The following PBLD variants were observed in gnomAD, a reference collection of about 807,000 sequenced individuals.
The protein encoded by PBLD is phenazine biosynthesis-like domain-containing protein.
Under a neutral mutation model 31.3 loss-of-function variants are expected in PBLD, and 26 were observed. That is an observed-to-expected ratio of 0.83 (90% CI 0.61 to 1.15). The LOEUF is 1.15. Among genes scored for constraint, PBLD ranks in the 50% most tolerant of loss-of-function variants. PBLD has a pLI of 0.00. For synonymous variants in PBLD, 114 were observed against 129.0 expected, an observed-to-expected ratio of 0.88 and a Z score of 0.79; for missense variants, 307 against 351.7, an observed-to-expected ratio of 0.87 and a Z score of 1.02.
At chr10:68,307,160 G>A (rs1001480970) in intron 1 of PBLD, among the ~76,000 whole-genome samples, 1 of 152,006 alleles carries the variant, frequency 6.6e-6, no homozygotes, top group African/African-American at 2.4e-5. Flanking sequence ...CTCTTGAGTA[G>A]CTGGAATTAC....
intron 1 of PBLD, among the ~76,000 whole-genome samples, chr10:68,322,889 C>A (rs1379049359): frequency 6.6e-6 from 1 of 151,856 alleles, no homozygotes; most frequent in Non-Finnish European, 1.5e-5. Context: ...CACACACCAC[C>A]ACATCTGGCT....
At chr10:68,328,692 C>T (rs929150466) in intron 1 of PBLD, among the ~76,000 whole-genome samples, 3 of 152,138 alleles carry the variant, frequency 2.0e-5, no homozygotes, top group Non-Finnish European at 1.5e-5. Context: ...CAATTCCACA[C>T]AGATAGGTCT....
rs1047875066 is a variant in PBLD, at chr10:68,288,635, T to C, written c.539A>G (p.Asn180Ser). The change falls in exon 8 of 10, where the codon AAC (asparagine) becomes AGC (serine). Residue 180 changes from asparagine (N) to serine (S), a missense_variant. Physicochemically the swap from Asn to Ser is conservative, Grantham distance 46 (BLOSUM62 1). Coordinates refer to ENST00000358769, the MANE Select transcript of PBLD (RefSeq NM_022129.4). Reference sequence around the variant, plus strand: ...TTCAACTTGCAGCAGATTCTCCGTGTTCACTTTCAGGTTCTCCAGAAACGA... The same window carrying C: ...TTCAACTTGCAGCAGATTCTCCGTGCTCACTTTCAGGTTCTCCAGAAACGA... Reference protein sequence around the residue: ...NRSFLENLKVNTENLLQVENT... With the variant: ...NRSFLENLKVSTENLLQVENT... The C allele has an allele frequency of 8.1e-6, 13 of 1,613,966 alleles. No individual in the cohort carries two copies. The highest frequency in any genetic ancestry group is 1.1e-5 in the Non-Finnish European group (13 of 1,180,010).
In PBLD at chr10:68,332,916, C is replaced by T. The variant is rs2045276435; in HGVS notation, c.-192G>A. 6.6e-6 allele frequency: 1 copy of T among 152,190 alleles called. No individual in the cohort carries two copies. Among genetic ancestry groups the T allele is most frequent in the South Asian group, 2.1e-4 (1 of 4,828 alleles). 9.4% of individuals were successfully genotyped at this position (152,190 alleles called of 1,614,324 possible). A position where few individuals can be genotyped will look rare whatever the true frequency, so the allele number is the denominator to read the frequency against. ...CCAGGACAAAGGAGGCAGACGGCCTCCTTTGTAATTCTGCCGCCCGGTGGC... is the reference window on the plus strand; with the variant it reads ...CCAGGACAAAGGAGGCAGACGGCCTTCTTTGTAATTCTGCCGCCCGGTGGC... On this transcript the variant is annotated 5_prime_UTR_variant, in exon 1 of 10. Coordinates refer to ENST00000358769, the MANE Select transcript of PBLD (RefSeq NM_022129.4).
At chr10:68,284,349 T>C in intron 9 of PBLD, 60 bp from the exon 10 acceptor site, 3 of 1,398,946 alleles carry the variant, frequency 2.1e-6, no homozygotes, top group Non-Finnish European at 3.0e-6. Context: ...TAACAAAGCA[T>C]AGTGAAAGAC....
At chr10:68,317,062 CTCA>C (rs976944082) in intron 1 of PBLD, among the ~76,000 whole-genome samples, 4 of 152,076 alleles carry the variant, frequency 2.6e-5, no homozygotes, top group African/African-American at 9.7e-5. Context: ...AGAGACATAA[CTCA>C]TCATGTAAAA....
At chr10:68,311,053 C>T (rs1196064718) in intron 1 of PBLD, among the ~76,000 whole-genome samples, 2 of 152,112 alleles carry the variant, frequency 1.3e-5, no homozygotes, top group African/African-American at 4.8e-5. Flanking sequence ...TTATTAAATA[C>T]CCTACTGAAA....
intron 1 of PBLD, 37 bp from the exon 2 acceptor site, chr10:68,306,940 C>G: frequency 1.1e-6 from 1 of 922,908 alleles, no homozygotes; most frequent in East Asian, 2.6e-5. Flanking sequence ...TAATGTTTTA[C>G]TTGGTGTCCA....
chr10:68,306,632 A>T, intron 2 of PBLD, 129 bp downstream of exon 2: 1 of 799,114 alleles, frequency 1.3e-6, no homozygotes, highest in Non-Finnish European at 2.0e-6. Context: ...CATGAACATT[A>T]CTGATATGAT....
chr10:68,312,043 C>T (rs1395313414), intron 1 of PBLD, among the ~76,000 whole-genome samples: 1 of 152,192 alleles, frequency 6.6e-6, no homozygotes, highest in African/African-American at 2.4e-5. Flanking sequence ...AATTGTAAGT[C>T]AAAGTATCAT....
At chr10:68,293,730 T>C (rs917207301) in intron 4 of PBLD, among the ~76,000 whole-genome samples, 3 of 152,288 alleles carry the variant, frequency 2.0e-5, no homozygotes, top group African/African-American at 7.2e-5. Context: ...TCAATCTTGC[T>C]TTGGGAGGCC....
chr10:68,297,910 C>T (rs2044451763), intron 2 of PBLD, among the ~76,000 whole-genome samples: 1 of 150,568 alleles, frequency 6.6e-6, no homozygotes, highest in Admixed American at 6.6e-5. Context: ...AGTTCAAGAC[C>T]AGCCTGGGTA....
chr10:68,303,036 G>T (rs1211288653), intron 2 of PBLD, among the ~76,000 whole-genome samples: 1 of 141,956 alleles, frequency 7.0e-6, no homozygotes, highest in African/African-American at 2.6e-5. Context: ...GGATTGTCAG[G>T]CATCTGAGGA....
At chr10:68,318,220 C>CTA (rs2044763286) in intron 1 of PBLD, among the ~76,000 whole-genome samples, 1 of 151,722 alleles carries the variant, frequency 6.6e-6, no homozygotes, top group African/African-American at 2.4e-5. Context: ...GTGTGAGACT[C>CTA]TGTCTCTAAA....
chr10:68,305,382 G>A (rs1191656773), intron 2 of PBLD, among the ~76,000 whole-genome samples: 4 of 148,904 alleles, frequency 2.7e-5, no homozygotes, highest in African/African-American at 9.9e-5. Context: ...CAAAGTACTA[G>A]GATTATAGGC....
At chr10:68,296,137 T>C (rs2044423514) in intron 4 of PBLD, 129 bp downstream of exon 4, 1 of 640,476 alleles carries the variant, frequency 1.6e-6, no homozygotes, top group African/African-American at 1.8e-5. Flanking sequence ...GCATTATGAA[T>C]AGCATGAAGT....
In PBLD at chr10:68,288,921, A is replaced by C; in HGVS notation, c.512+10T>G. On this transcript the variant is annotated intron_variant, in intron 7 of 9. Coordinates refer to ENST00000358769, the MANE Select transcript of PBLD (RefSeq NM_022129.4). ...CCTCCCCAAAGTGCTGATGCAGCCA[A>C]AAATCTTACCTGTTGTAAACGTCAC... 1 of 1,613,558 alleles carries C rather than the reference A, an allele frequency of 6.2e-7. No individual in the cohort carries two copies. Among genetic ancestry groups the C allele is most frequent in the Non-Finnish European group, 8.5e-7 (1 of 1,179,412 alleles).
At chr10:68,314,040 A>C (rs1465913722) in intron 1 of PBLD, among the ~76,000 whole-genome samples, 1 of 152,066 alleles carries the variant, frequency 6.6e-6, no homozygotes, top group Non-Finnish European at 1.5e-5. Flanking sequence ...GCAGTGGCAC[A>C]ATCTTGGCTC....
At chr10:68,302,389 T>C (rs1169080512) in intron 2 of PBLD, among the ~76,000 whole-genome samples, 6 of 152,196 alleles carry the variant, frequency 3.9e-5, no homozygotes, top group Non-Finnish European at 8.8e-5. Flanking sequence ...TACTCCCATC[T>C]TGTGGCAGTT....
Sources: gnomAD v4.1 joint callset for allele counts (sites outside exome capture counted in the v4.1 genomes callset) on GRCh38, gnomAD v4.1.1 for gene constraint, MANE v1.5 for transcripts, NCBI Gene and HGNC (gene_info 2026-07-23, HGNC 2026-07-21) for gene names.